FTO: variants seen among roughly 807,000 people sequenced by gnomAD.
FTO encodes alpha-ketoglutarate-dependent dioxygenase FTO.
In FTO, 47 loss-of-function variants were observed where a neutral mutation model predicts 63.9. The observed-to-expected ratio is 0.74, with a 90% CI of 0.58 to 0.94. The LOEUF (loss-of-function observed/expected upper bound fraction) is 0.94. Ranked by LOEUF, FTO falls within the 40% of genes least tolerant of loss-of-function variation. The pLI is 0.00. For synonymous variants in FTO, 207 were observed against 224.4 expected (o/e 0.92, Z 0.69); for missense variants, 562 against 618.1 (o/e 0.91, Z 0.96).
intron 1 of FTO, among the ~76,000 whole-genome samples, chr16:53,746,229 G>A (rs1057120131): frequency 2.6e-5 from 4 of 152,162 alleles, no homozygotes; most frequent in African/African-American, 9.7e-5. Context: ...CAAGACATTA[G>A]GAGCTAGTGT....
At chr16:53,782,824 T>G (rs2077621645) in intron 1 of FTO, among the ~76,000 whole-genome samples, 1 of 152,172 alleles carries the variant, frequency 6.6e-6, no homozygotes, top group African/African-American at 2.4e-5. Context: ...ATGGGCTTAT[T>G]TATGTACGAA....
At chr16:53,808,995 C>T (rs1432237496) in intron 1 of FTO, among the ~76,000 whole-genome samples, 2 of 152,100 alleles carry the variant, frequency 1.3e-5, no homozygotes, top group South Asian at 2.1e-4. Context: ...TTATATGCCA[C>T]GTACACACGA....
At chr16:54,077,039 C>T (rs7204690) in intron 8 of FTO, among the ~76,000 whole-genome samples, 13,639 of 152,054 alleles carry the variant, frequency 0.09, 960 homozygotes, top group African/African-American at 0.19. Flanking sequence ...AGGTAAGGAG[C>T]GTCATTATTA....
intron 1 of FTO, among the ~76,000 whole-genome samples, chr16:53,752,948 G>A (rs371603914): frequency 1.4e-5 from 2 of 145,880 alleles, no homozygotes; most frequent in Non-Finnish European, 3.0e-5. Context: ...AGAATCCTTC[G>A]TTGAGGGCTT....
intron 8 of FTO, among the ~76,000 whole-genome samples, chr16:54,026,314 G>C (rs1389426890): frequency 6.6e-5 from 10 of 152,142 alleles, no homozygotes; most frequent in African/African-American, 2.4e-4. Flanking sequence ...AACTGCTGTG[G>C]CTCCTAATGG....
At chr16:53,882,978 T>C (rs1159274330) in intron 6 of FTO, among the ~76,000 whole-genome samples, 1 of 152,158 alleles carries the variant, frequency 6.6e-6, no homozygotes, top group African/African-American at 2.4e-5. Flanking sequence ...GGTGTTCTAC[T>C]TTCTCTCTTA....
At chr16:53,728,259 A>G (rs1255820119) in intron 1 of FTO, among the ~76,000 whole-genome samples, 1 of 151,986 alleles carries the variant, frequency 6.6e-6, no homozygotes, top group Admixed American at 6.5e-5. Flanking sequence ...AAGTCAGAAG[A>G]CAATACTTGA....
intron 3 of FTO, among the ~76,000 whole-genome samples, chr16:53,827,327 C>T (rs1456286878): frequency 6.6e-6 from 1 of 152,170 alleles, no homozygotes; most frequent in Non-Finnish European, 1.5e-5. Flanking sequence ...AGCATGACCT[C>T]TGTTGACTTT....
At chr16:53,942,557 A>G (rs1214600285) in intron 8 of FTO, among the ~76,000 whole-genome samples, 1 of 152,208 alleles carries the variant, frequency 6.6e-6, no homozygotes, top group Non-Finnish European at 1.5e-5. Context: ...TTCAGTAGGG[A>G]TAGGAACAAA....
At chr16:53,843,091 G>T (rs1446546328) in intron 3 of FTO, among the ~76,000 whole-genome samples, 1 of 152,002 alleles carries the variant, frequency 6.6e-6, no homozygotes, top group Non-Finnish European at 1.5e-5. Context: ...GTATTTTATT[G>T]TCTGGAGAGA....
chr16:53,944,623 G>A (rs1224563825), intron 8 of FTO, among the ~76,000 whole-genome samples: 1 of 152,164 alleles, frequency 6.6e-6, no homozygotes, highest in Non-Finnish European at 1.5e-5. Flanking sequence ...CTCCAGGCAA[G>A]TTACAATTGT....
chr16:53,990,557 C>T (rs1442783266), intron 8 of FTO, among the ~76,000 whole-genome samples: 3 of 152,156 alleles, frequency 2.0e-5, no homozygotes, highest in African/African-American at 7.2e-5. Flanking sequence ...CAGAGGCAGG[C>T]ACTGTCTCTT....
intron 1 of FTO, among the ~76,000 whole-genome samples, chr16:53,734,777 A>AG (rs1200957381): frequency 7.2e-5 from 11 of 152,216 alleles, no homozygotes; most frequent in Non-Finnish European, 1.2e-4. Flanking sequence ...ACTGGGTTAT[A>AG]ACAGTGCCAG....
At chr16:53,761,780 C>T (rs139114011) in intron 1 of FTO, among the ~76,000 whole-genome samples, 232 of 152,180 alleles carry the variant, frequency 1.5e-3, no homozygotes, top group African/African-American at 5.5e-3. Context: ...CTCTGTGAAC[C>T]TAGGGAGATA....
chr16:53,765,932 C>T lies in FTO; in HGVS notation c.46-44208C>T, dbSNP rs142213319. On this transcript the variant is annotated intron_variant, in intron 1 of 8. Transcript: ENST00000471389. Reference sequence around the variant, plus strand: ...CACTGGAGTGTTTTAAGGTAGGGAGCGTGTGTGTGGAGTGACTTACTCTGA... The same window carrying T: ...CACTGGAGTGTTTTAAGGTAGGGAGTGTGTGTGTGGAGTGACTTACTCTGA... 1.3e-3 allele frequency among the ~76,000 whole-genome samples: 202 copies of T among 152,068 alleles called. 1 individual carries two copies. In the East Asian group the frequency reaches 0.013, roughly 10 times the overall value.
chr16:54,105,797 GTGTGTGTGTGTGTGTGTA>G (rs1412955973), intron 8 of FTO, among the ~76,000 whole-genome samples: 1 of 145,366 alleles, frequency 6.9e-6, no homozygotes, highest in South Asian at 2.2e-4. Context: ...GTGTGTGTGT[GTGTGTGTGTGTGTGTGTA>G]TGTTACATTT....
At chr16:53,875,187 C>CT (rs1417182193) in intron 5 of FTO, among the ~76,000 whole-genome samples, 1 of 152,024 alleles carries the variant, frequency 6.6e-6, no homozygotes, top group African/African-American at 2.4e-5. Flanking sequence ...TTCATTTCCC[C>CT]AGTTATAGGC....
chr16:53,984,317 G>T (rs1454226106), intron 8 of FTO, among the ~76,000 whole-genome samples: 1 of 141,268 alleles, frequency 7.1e-6, no homozygotes, highest in African/African-American at 2.7e-5. Context: ...CCCTTGGAAT[G>T]GGTCTTTTTT....
At chr16:54,089,684 A>G (rs1205490925) in intron 8 of FTO, among the ~76,000 whole-genome samples, 3 of 152,238 alleles carry the variant, frequency 2.0e-5, no homozygotes, top group Admixed American at 6.5e-5. Context: ...CTAAAACTCA[A>G]TAACAGGAAG....
Sources: gnomAD v4.1 joint callset for allele counts (sites outside exome capture counted in the v4.1 genomes callset) on GRCh38, gnomAD v4.1.1 for gene constraint, MANE v1.5 for transcripts, NCBI Gene and HGNC (gene_info 2026-07-23, HGNC 2026-07-21) for gene names.